The following PTPN13 variants were observed in gnomAD, a reference collection of about 807,000 sequenced individuals.
The protein encoded by PTPN13 is protein tyrosine phosphatase non-receptor type 13, also known as tyrosine-protein phosphatase non-receptor type 13.
PTPN13 carries 191 observed loss-of-function variants against 284.0 expected under a neutral mutation model. The ratio of observed to expected loss-of-function variants is 0.67; its 90% CI spans 0.60 to 0.76. The LOEUF (loss-of-function observed/expected upper bound fraction) is 0.76, where lower values mean the gene tolerates loss of function less well. Among genes scored for constraint, PTPN13 ranks in the 30% least tolerant of loss-of-function variants. The pLI, the probability that PTPN13 is intolerant of heterozygous loss-of-function variation, is 0.00. For synonymous variants in PTPN13, 986 were observed against 1,022.3 expected (o/e 0.96, Z 0.68); for missense variants, 2,797 against 2,939.9 (o/e 0.95, Z 1.12).
chr4:86,684,535 A>C (rs1371260675), intron 3 of PTPN13, among the ~76,000 whole-genome samples: 1 of 152,216 alleles, frequency 6.6e-6, no homozygotes, highest in Non-Finnish European at 1.5e-5. Context: ...ATTGAGAGCC[A>C]TGAACATATT....
intron 3 of PTPN13, among the ~76,000 whole-genome samples, 175 bp from the exon 4 acceptor site, chr4:86,686,535 C>T (rs959602870): frequency 6.6e-6 from 1 of 152,124 alleles, no homozygotes; most frequent in Admixed American, 6.5e-5. Flanking sequence ...TAATAATTTC[C>T]AGTCTTGCTA....
intron 28 of PTPN13, among the ~76,000 whole-genome samples, chr4:86,768,294 C>T (rs1478541630): frequency 6.6e-6 from 1 of 152,148 alleles, no homozygotes; most frequent in African/African-American, 2.4e-5. Flanking sequence ...CCTTCAAACC[C>T]ATGGGAAACC....
At chr4:86,725,180 G>A (rs892076349) in intron 10 of PTPN13, among the ~76,000 whole-genome samples, 1 of 151,164 alleles carries the variant, frequency 6.6e-6, no homozygotes, top group African/African-American at 2.4e-5. Flanking sequence ...GTATTCCATG[G>A]TGTATATGTG....
At chr4:86,746,188 G>A (rs569606978) in intron 17 of PTPN13, among the ~76,000 whole-genome samples, 2 of 152,176 alleles carry the variant, frequency 1.3e-5, no homozygotes, top group East Asian at 3.9e-4. Flanking sequence ...TCTGACTCTG[G>A]AAAAAATATC....
intron 44 of PTPN13, 84 bp from the exon 45 acceptor site, chr4:86,807,476 T>G: frequency 2.8e-5 from 29 of 1,021,364 alleles, no homozygotes; most frequent in Non-Finnish European, 3.9e-5. Flanking sequence ...GAATTTCTCA[T>G]GATCTTTGAC....
At chr4:86,680,586 T>C (rs1728795819) in intron 3 of PTPN13, among the ~76,000 whole-genome samples, 1 of 152,144 alleles carries the variant, frequency 6.6e-6, no homozygotes, top group Non-Finnish European at 1.5e-5. Context: ...CTAACTCTTA[T>C]TCCTGCTTCC....
intron 7 of PTPN13, among the ~76,000 whole-genome samples, chr4:86,703,290 A>G (rs919871823): frequency 6.6e-6 from 1 of 152,280 alleles, no homozygotes; most frequent in African/African-American, 2.4e-5. Flanking sequence ...TTGTGATAGC[A>G]GAGAGATTAG....
intron 15 of PTPN13, among the ~76,000 whole-genome samples, chr4:86,741,040 A>G (rs568279335): frequency 3.3e-5 from 5 of 152,330 alleles, no homozygotes; most frequent in African/African-American, 7.2e-5. Context: ...TCATATCACT[A>G]TCAGCATTTT....
At chr4:86,596,187 CAG>C (rs1337457955) in intron 1 of PTPN13, among the ~76,000 whole-genome samples, 2 of 152,082 alleles carry the variant, frequency 1.3e-5, no homozygotes. Flanking sequence ...GAACTAAAAA[CAG>C]AAAAATATTT....
intron 15 of PTPN13, among the ~76,000 whole-genome samples, chr4:86,736,931 T>C (rs964831161): frequency 2.6e-5 from 4 of 152,270 alleles, no homozygotes; most frequent in African/African-American, 4.8e-5. Context: ...TAAGAAGTTT[T>C]ATCTTGTTAA....
chr4:86,695,719 T>G (rs1311182786), intron 6 of PTPN13, among the ~76,000 whole-genome samples: 1 of 151,978 alleles, frequency 6.6e-6, no homozygotes, highest in African/African-American at 2.4e-5. Context: ...TTCTCTTTGT[T>G]ATTCTTTCTC....
intron 16 of PTPN13, among the ~76,000 whole-genome samples, chr4:86,744,459 G>T (rs1369149652): frequency 6.6e-6 from 1 of 152,054 alleles, no homozygotes; most frequent in East Asian, 1.9e-4. Flanking sequence ...ATACAATCTA[G>T]ATTTAGGCTA....
intron 1 of PTPN13, among the ~76,000 whole-genome samples, chr4:86,624,574 C>T (rs1214826571): frequency 6.6e-6 from 1 of 152,116 alleles, no homozygotes; most frequent in Non-Finnish European, 1.5e-5. Flanking sequence ...ACTAGCTGAC[C>T]TCTGAGTAAT....
At chr4:86,604,667 A>G (rs1043494117) in intron 1 of PTPN13, among the ~76,000 whole-genome samples, 3 of 152,122 alleles carry the variant, frequency 2.0e-5, no homozygotes, top group Middle Eastern at 3.4e-3. Context: ...AAAAAATACC[A>G]CAGCATTATT....
In PTPN13 at chr4:86,732,446, T is replaced by C; in HGVS notation, c.1655T>C (p.Ile552Thr). 1 of 1,602,388 alleles carries C rather than the reference T, an allele frequency of 6.2e-7. No homozygotes were observed. The highest frequency in any genetic ancestry group is 8.5e-7 in the Non-Finnish European group (1 of 1,173,400). ...GTGAAAATGACAATTGAACCATTTA[T>C]ATCTTTGGATTTGCCACGGTCTATT... ...EFVKMTIEPF[I>T]SLDLPRSILT... The change falls in exon 11 of 48, where the codon ATA (isoleucine) becomes ACA (threonine). Residue 552 changes from isoleucine (I) to threonine (T), a missense_variant. Coordinates refer to ENST00000411767, the MANE Select transcript of PTPN13 (RefSeq NM_080683.3).
intron 2 of PTPN13, among the ~76,000 whole-genome samples, chr4:86,645,755 A>C (rs1724350239): frequency 6.6e-6 from 1 of 152,156 alleles, no homozygotes; most frequent in African/African-American, 2.4e-5. Context: ...TTCAGATGTC[A>C]GTTTTCTCTA....
At chr4:86,736,016 A>C (rs1403518674) in intron 15 of PTPN13, among the ~76,000 whole-genome samples, 1 of 152,216 alleles carries the variant, frequency 6.6e-6, no homozygotes, top group Non-Finnish European at 1.5e-5. Context: ...CTTTTATCTT[A>C]TTCCATACTC....
At chr4:86,749,797 G>A (rs1472858417) in intron 17 of PTPN13, among the ~76,000 whole-genome samples, 1 of 152,200 alleles carries the variant, frequency 6.6e-6, no homozygotes, top group Non-Finnish European at 1.5e-5. Flanking sequence ...CCATTCCTCT[G>A]TTGCCTCAGA....
intron 3 of PTPN13, among the ~76,000 whole-genome samples, chr4:86,680,625 AATAC>A (rs1728800599): frequency 6.6e-6 from 1 of 152,090 alleles, no homozygotes; most frequent in Admixed American, 6.5e-5. Context: ...CTGTCAGATT[AATAC>A]CCCTGATCAT....
Sources: allele counts gnomAD v4.1 joint callset (sites outside exome capture counted in the v4.1 genomes callset), GRCh38; gene constraint gnomAD v4.1.1; transcripts MANE v1.5; gene names NCBI Gene and HGNC (gene_info 2026-07-23, HGNC 2026-07-21).